Variants in DLG2 observed in about 807,000 individuals in gnomAD.
The protein encoded by DLG2 is discs large MAGUK scaffold protein 2, also known as disks large homolog 2.
A neutral mutation model predicts 132.5 loss-of-function variants in DLG2; 45 were observed. The observed-to-expected ratio is 0.34, with a 90% CI of 0.27 to 0.44. The LOEUF (loss-of-function observed/expected upper bound fraction) is 0.44, where lower values mean the gene tolerates loss of function less well. DLG2 is among the 20% of genes least tolerant of loss of function. DLG2 has a pLI of 1.00. For missense variants in DLG2, 1,045 were observed against 1,196.9 expected, an observed-to-expected ratio of 0.87 and a Z score of 1.87; for synonymous variants, 424 against 419.6, an observed-to-expected ratio of 1.01 and a Z score of -0.13.
At chr11:83,712,887 T>C (rs1285270414) in intron 18 of DLG2, among the ~76,000 whole-genome samples, 1 of 151,906 alleles carries the variant, frequency 6.6e-6, no homozygotes, top group Non-Finnish European at 1.5e-5. Flanking sequence ...GATGGGATGA[T>C]CTGTGCAGCA....
At chr11:85,441,394 C>A (rs937166472) in intron 3 of DLG2, among the ~76,000 whole-genome samples, 1 of 152,124 alleles carries the variant, frequency 6.6e-6, no homozygotes, top group Non-Finnish European at 1.5e-5. Flanking sequence ...TGAGTCTTCT[C>A]CAGTATATTT....
chr11:83,854,586 CA>C (rs1173423636), intron 16 of DLG2, among the ~76,000 whole-genome samples: 1 of 151,930 alleles, frequency 6.6e-6, no homozygotes, highest in African/African-American at 2.4e-5. Flanking sequence ...ATACCCTGAA[CA>C]AAAATAAACT....
chr11:85,110,388 A>G (rs1347037967), intron 6 of DLG2, among the ~76,000 whole-genome samples: 10 of 152,118 alleles, frequency 6.6e-5, no homozygotes, highest in African/African-American at 2.4e-4. Context: ...ACTACACTCC[A>G]GCCTGGGCAA....
chr11:84,158,725 A>G (rs890901156), intron 9 of DLG2, among the ~76,000 whole-genome samples: 10 of 152,190 alleles, frequency 6.6e-5, no homozygotes, highest in African/African-American at 2.2e-4. Flanking sequence ...CTTATTTGTC[A>G]TTGGGTATTT....
At position 83,753,821 on chromosome 11, in the gene DLG2, TTTC is replaced by T. The variant is rs1209851476; in HGVS notation, c.1825+32866_1825+32868del. 4.1e-3 allele frequency among the ~76,000 whole-genome samples: 291 copies of T among 70,578 alleles called. 16 individuals are homozygous for T. In the South Asian group the frequency reaches 0.048, roughly 12 times the overall value. 46.3% of individuals were successfully genotyped at this position (70,578 alleles called of 152,430 possible). A position where few individuals can be genotyped will look rare whatever the true frequency, so the allele number is the denominator to read the frequency against. ...ATATATCATATATATCATATATATA[TTTC>T]ATATATATATGATATATATCATATA... is the stretch of plus-strand genomic sequence containing the variant. On this transcript the variant is annotated intron_variant, in intron 18 of 27. Transcript: ENST00000376104.
At position 84,407,686 on chromosome 11, in the gene DLG2, T is replaced by C. The variant is rs550371085; in HGVS notation, c.519+126884A>G. On this transcript the variant is annotated intron_variant, in intron 7 of 27. Coordinates refer to ENST00000376104, the MANE Select transcript of DLG2 (RefSeq NM_001142699.3). ...TTTAACATATCTTATAGCATTTGGA[T>C]ACATGGGATATTTATTTGCAGTGCT... Among the ~76,000 whole-genome samples, 3 of 152,316 alleles carry C rather than the reference T, an allele frequency of 2.0e-5. No individual in the cohort carries two copies. The East Asian group carries it at 5.8e-4, about 29-fold the overall frequency.
At chr11:85,197,572 T>C (rs1388629219) in intron 4 of DLG2, among the ~76,000 whole-genome samples, 1 of 152,236 alleles carries the variant, frequency 6.6e-6, no homozygotes, top group South Asian at 2.1e-4. Flanking sequence ...TTCCTTAAAT[T>C]AAGCTTTTTA....
At chr11:84,040,702 G>A (rs1299886995) in intron 11 of DLG2, among the ~76,000 whole-genome samples, 15 of 150,370 alleles carry the variant, frequency 1.0e-4, no homozygotes, top group Admixed American at 6.6e-4. Flanking sequence ...TTGGTGATGC[G>A]GGCTCTTTTT....
intron 3 of DLG2, among the ~76,000 whole-genome samples, chr11:85,398,174 G>A (rs1180714378): frequency 6.6e-6 from 1 of 152,140 alleles, no homozygotes; most frequent in African/African-American, 2.4e-5. Flanking sequence ...GCTCCTGAAT[G>A]ACTAGTGGGT....
intron 20 of DLG2, among the ~76,000 whole-genome samples, chr11:83,535,146 C>T (rs1341137947): frequency 1.3e-5 from 2 of 152,134 alleles, no homozygotes; most frequent in Non-Finnish European, 2.9e-5. Context: ...CGATTTTAAT[C>T]CAAGGGCAAA....
At chr11:84,481,103 A>G (rs1178962136) in intron 7 of DLG2, among the ~76,000 whole-genome samples, 1 of 152,064 alleles carries the variant, frequency 6.6e-6, no homozygotes, top group Non-Finnish European at 1.5e-5. Context: ...CAAAAGAGAT[A>G]ATATAGGAAA....
intron 4 of DLG2, among the ~76,000 whole-genome samples, chr11:85,209,222 CT>C (rs1407343506): frequency 1.3e-5 from 2 of 152,106 alleles, no homozygotes; most frequent in African/African-American, 4.8e-5. Context: ...TACCTTAGCA[CT>C]GAATACAAAT....
chr11:84,652,647 G>A (rs1171616825), intron 6 of DLG2, among the ~76,000 whole-genome samples: 1 of 152,094 alleles, frequency 6.6e-6, no homozygotes, highest in Non-Finnish European at 1.5e-5. Flanking sequence ...AAATAGACAT[G>A]CCAAGAAAAA....
At chr11:84,138,261 C>T (rs942990796) in intron 9 of DLG2, among the ~76,000 whole-genome samples, 3 of 152,160 alleles carry the variant, frequency 2.0e-5, no homozygotes, top group African/African-American at 7.2e-5. Flanking sequence ...ATGGATTTAA[C>T]AACAAAGATC....
intron 7 of DLG2, among the ~76,000 whole-genome samples, chr11:84,501,554 G>C (rs945979776): frequency 1.4e-4 from 21 of 152,188 alleles, no homozygotes; most frequent in African/African-American, 5.1e-4. Flanking sequence ...TGACAGAGCC[G>C]AGACTCCGTC....
rs534544278 is a variant in DLG2 at position 84,481,832 on chromosome 11, C to T, written c.519+52738G>A. On this transcript the variant is annotated intron_variant, in intron 7 of 27. Transcript: ENST00000376104. The stretch of plus-strand genomic sequence containing the variant: ...AAAATGTCGTACTGCAACTTCCTTG[C>T]CTCAGTGTGTAGTAACATGAATGCT... 1.5e-4 allele frequency among the ~76,000 whole-genome samples: 23 copies of T among 152,276 alleles called. No individual in the cohort carries two copies. The South Asian group carries it at 4.8e-3, about 32-fold the overall frequency.
chr11:84,378,824 A>G (rs972146492), intron 7 of DLG2, among the ~76,000 whole-genome samples: 4 of 145,220 alleles, frequency 2.8e-5, no homozygotes, highest in Non-Finnish European at 5.9e-5. Flanking sequence ...GCACACTGGT[A>G]TTCACAGATA....
chr11:83,971,684 A>G (rs1383814462), intron 12 of DLG2, among the ~76,000 whole-genome samples: 2 of 152,156 alleles, frequency 1.3e-5, no homozygotes, highest in Admixed American at 1.3e-4. Context: ...CATTGGTAAG[A>G]AAACTCTAAA....
intron 8 of DLG2, among the ~76,000 whole-genome samples, chr11:84,225,468 T>C (rs1164119536): frequency 1.3e-5 from 2 of 152,232 alleles, no homozygotes; most frequent in African/African-American, 4.8e-5. Flanking sequence ...GTGTCACGAT[T>C]TTTAATTGTC....
Sources: allele counts gnomAD v4.1 joint callset (sites outside exome capture counted in the v4.1 genomes callset), GRCh38; gene constraint gnomAD v4.1.1; transcripts MANE v1.5; gene names NCBI Gene and HGNC (gene_info 2026-07-23, HGNC 2026-07-21).